The following IGF1R variants were observed in gnomAD, a reference collection of about 807,000 sequenced individuals.
IGF1R encodes the protein insulin like growth factor 1 receptor, also known as insulin-like growth factor 1 receptor.
Under a neutral mutation model 144.6 loss-of-function variants are expected in IGF1R, and 44 were observed. The ratio of observed to expected loss-of-function variants is 0.30; its 90% confidence interval spans 0.24 to 0.39. The LOEUF (loss-of-function observed/expected upper bound fraction) is 0.39. Ranked by LOEUF, IGF1R falls within the 10% of genes least tolerant of loss-of-function variation. The pLI, the probability that IGF1R is intolerant of heterozygous loss-of-function variation, is 1.00. For synonymous variants in IGF1R, 795 were observed against 722.8 expected (o/e 1.10, Z -1.60); for missense variants, 1,355 against 1,833.7 (o/e 0.74, Z 4.77).
In IGF1R at chr15:98,891,725, T is replaced by G. The variant is rs1013295300; in HGVS notation, c.953+88T>G. 7.4e-7 allele frequency: 1 copy of G among 1,345,846 alleles called. No homozygotes were observed. Among genetic ancestry groups the G allele is most frequent in the Non-Finnish European group, 1.0e-6 (1 of 968,200 alleles). The allele number at this position is 1,345,846 out of a possible 1,614,324, so 83.4% of individuals were successfully genotyped here. On this transcript the variant is annotated intron_variant, in intron 3 of 20. Transcript: ENST00000650285. The surrounding 1 kb of genome is among the most constrained non-coding windows in gnomAD (Gnocchi z 4.7). ...AAGGTAGACTCTGTCGGTTGTTTCA[T>G]CCGGGTGCAGCCCTCAGGAAGTTCA...
At chr15:98,897,346 A>C (rs982018365) in intron 4 of IGF1R, 1 of 189,366 alleles carries the variant, frequency 5.3e-6, no homozygotes, top group African/African-American at 2.4e-5. Context: ...TATCACGTTA[A>C]AATTTTATGA....
intron 8 of IGF1R, among the ~76,000 whole-genome samples, chr15:98,915,689 C>G (rs1346445134): frequency 6.6e-6 from 1 of 152,212 alleles, no homozygotes; most frequent in Non-Finnish European, 1.5e-5. Context: ...CTCTTCTAAC[C>G]CTGCTTGTGC....
intron 2 of IGF1R, among the ~76,000 whole-genome samples, chr15:98,776,126 G>A (rs1482061715): frequency 1.3e-5 from 2 of 151,912 alleles, no homozygotes; most frequent in Admixed American, 1.3e-4. Context: ...AAGGGAGGGT[G>A]GAAGGGGCAA....
intron 6 of IGF1R, among the ~76,000 whole-genome samples, chr15:98,909,364 T>C (rs2151671413): frequency 6.7e-6 from 1 of 148,986 alleles, no homozygotes; most frequent in African/African-American, 2.5e-5. Flanking sequence ...GTTCAAGCGG[T>C]TCTCATGCCT....
intron 1 of IGF1R, 82 bp downstream of exon 1, chr15:98,649,757 C>A: frequency 9.3e-7 from 1 of 1,077,208 alleles, no homozygotes; most frequent in Non-Finnish European, 1.4e-6. Context: ...ACCCGAGTTG[C>A]CACCGTCGCA....
rs1301800806 is a variant in IGF1R, at chr15:98,964,201, G to GT, written c.*6761dup. 4.3e-6 allele frequency: 1 copy of GT among 230,272 alleles called. No homozygotes were observed. The highest frequency in any genetic ancestry group is 2.2e-5 in the African/African-American group (1 of 44,652). 14.3% of individuals were successfully genotyped at this position (230,272 alleles called of 1,614,324 possible). On this transcript the variant is annotated 3_prime_UTR_variant, in exon 21 of 21. Coordinates refer to ENST00000650285, the MANE Select transcript of IGF1R (RefSeq NM_000875.5). ...AATAATGCATTTTCTGAGTTTTCTT[G>GT]TTAAAAAAAAATTTTTTTAAGTAAG...
chr15:98,772,626 A>G (rs2055616439), intron 2 of IGF1R, among the ~76,000 whole-genome samples: 1 of 151,650 alleles, frequency 6.6e-6, no homozygotes, highest in Admixed American at 6.6e-5. Flanking sequence ...CCTCTCTAGC[A>G]GCTAGAACTG....
intron 2 of IGF1R, among the ~76,000 whole-genome samples, chr15:98,709,834 A>G (rs2053951189): frequency 1.3e-5 from 2 of 152,312 alleles, no homozygotes; most frequent in Non-Finnish European, 2.9e-5. Context: ...GAGGTGCCAT[A>G]TGAAACGTCA....
chr15:98,651,438 C>T (rs2052364330), intron 1 of IGF1R, among the ~76,000 whole-genome samples: 1 of 152,130 alleles, frequency 6.6e-6, no homozygotes, highest in African/African-American at 2.4e-5. Context: ...TAGGTGGTGG[C>T]TGGGGGGACA....
At chr15:98,748,756 A>G (rs1357519017) in intron 2 of IGF1R, among the ~76,000 whole-genome samples, 1 of 152,228 alleles carries the variant, frequency 6.6e-6, no homozygotes, top group Admixed American at 6.5e-5. Flanking sequence ...GTCCATTGGC[A>G]ATGGATATAT....
intron 2 of IGF1R, among the ~76,000 whole-genome samples, chr15:98,800,745 G>T (rs1192013208): frequency 6.6e-6 from 1 of 152,114 alleles, no homozygotes; most frequent in Non-Finnish European, 1.5e-5. Flanking sequence ...CCTCTGTCTT[G>T]GAAAACACCG....
Position 98,960,064 on chromosome 15 carries a change from CCTCA to C in IGF1R, c.*2626_*2629del, listed in dbSNP as rs1294985412. 1.3e-5 allele frequency: 3 copies of C among 233,340 alleles called. No homozygotes were observed. The highest frequency in any genetic ancestry group is 1.2e-3 in the Middle Eastern group (1 of 808). The allele number at this position is 233,340 out of a possible 1,614,324, so 14.5% of individuals were successfully genotyped here. Reference sequence around the variant, plus strand: ...TTTTTTTCCCCCAAACATTTATCTACCTCACTCTTATTTTTTATATGTGTATATA... The same window carrying C: ...TTTTTTTCCCCCAAACATTTATCTACCTCTTATTTTTTATATGTGTATATA... On this transcript the variant is annotated 3_prime_UTR_variant, in exon 21 of 21. Coordinates refer to ENST00000650285, the MANE Select transcript of IGF1R (RefSeq NM_000875.5).
intron 2 of IGF1R, among the ~76,000 whole-genome samples, chr15:98,762,599 G>A (rs1350033764): frequency 1.3e-5 from 2 of 151,858 alleles, no homozygotes; most frequent in African/African-American, 2.4e-5. Flanking sequence ...GTGGTGGCAC[G>A]TGCCTGTAAT....
At chr15:98,849,806 A>G (rs557673680) in intron 2 of IGF1R, among the ~76,000 whole-genome samples, 1 of 152,240 alleles carries the variant, frequency 6.6e-6, no homozygotes, top group South Asian at 2.1e-4. Flanking sequence ...AAGCATAGAA[A>G]AAAAGTTTGA....
intron 20 of IGF1R, among the ~76,000 whole-genome samples, chr15:98,955,529 C>T (rs1342609928): frequency 4.6e-5 from 7 of 152,250 alleles, no homozygotes; most frequent in African/African-American, 1.2e-4. Context: ...GATGTAGAGG[C>T]GGGCAGCCCC....
In IGF1R at chr15:98,791,308, C is replaced by T. The variant is rs191000639; in HGVS notation, c.640+83201C>T. 9.5e-4 allele frequency among the ~76,000 whole-genome samples: 144 copies of T among 152,284 alleles called. 1 individual carries two copies. Among genetic ancestry groups the T allele is most frequent in the Non-Finnish European group, 1.8e-4 (12 of 68,024 alleles). Reference sequence around the variant, plus strand: ...TATCTTGAAAAACTTAAAAAAGCAACAACTAACTTATTTGTATCTTTTCCT... The same window carrying T: ...TATCTTGAAAAACTTAAAAAAGCAATAACTAACTTATTTGTATCTTTTCCT... On this transcript the variant is annotated intron_variant, in intron 2 of 20. Transcript: ENST00000650285.
At chr15:98,731,424 C>T (rs1281500168) in intron 2 of IGF1R, among the ~76,000 whole-genome samples, 1 of 152,208 alleles carries the variant, frequency 6.6e-6, no homozygotes, top group East Asian at 1.9e-4. Context: ...ATTTTCCCCT[C>T]ATATGACTTT....
intron 2 of IGF1R, among the ~76,000 whole-genome samples, chr15:98,882,922 G>GT (rs2013453386): frequency 6.6e-6 from 1 of 152,320 alleles, no homozygotes; most frequent in South Asian, 2.1e-4. Context: ...CAGCCCTGCT[G>GT]TGCACACTGA....
chr15:98,830,603 A>ACCTTTTTTTTTTTTTTTTTTTTTTTTTTT, intron 2 of IGF1R, among the ~76,000 whole-genome samples: 1 of 133,720 alleles, frequency 7.5e-6, no homozygotes, highest in African/African-American at 3.3e-5. Flanking sequence ...TCTGATCATC[A>ACCTTTTTTTTTTTTTTTTTTTTTTTTTTT]TCTTTTTTTT....
Sources: allele counts gnomAD v4.1 joint callset (sites outside exome capture counted in the v4.1 genomes callset), GRCh38; gene constraint gnomAD v4.1.1; non-coding constraint Gnocchi (gnomAD v3.1); transcripts MANE v1.5; gene names NCBI Gene and HGNC (gene_info 2026-07-23, HGNC 2026-07-21).